The following EPN2 variants were observed in gnomAD, a reference collection of about 807,000 sequenced individuals.
EPN2 encodes epsin 2.
EPN2 carries 34 observed loss-of-function variants against 61.7 expected under a neutral mutation model. The observed-to-expected ratio is 0.55, with a 90% CI of 0.42 to 0.73. The LOEUF is 0.73. Ranked by LOEUF, EPN2 falls within the 30% of genes least tolerant of loss-of-function variation. The pLI is 0.00. For missense variants in EPN2, 714 were observed against 839.2 expected (o/e 0.85, Z 1.84); for synonymous variants, 349 against 353.6 (o/e 0.99, Z 0.15).
intron 1 of EPN2, among the ~76,000 whole-genome samples, chr17:19,251,310 A>G (rs889192430): frequency 6.6e-6 from 1 of 152,146 alleles, no homozygotes; most frequent in Non-Finnish European, 1.5e-5. Flanking sequence ...CTGCATCTGG[A>G]GAGGCAGGAT....
chr17:19,268,272 A>AG (rs2045220023), intron 1 of EPN2, among the ~76,000 whole-genome samples: 2 of 152,216 alleles, frequency 1.3e-5, no homozygotes, highest in Admixed American at 1.3e-4. Flanking sequence ...GTGCTTGTTC[A>AG]GATCCCCTGT....
intron 1 of EPN2, among the ~76,000 whole-genome samples, chr17:19,277,757 C>G (rs538213840): frequency 2.6e-5 from 4 of 152,094 alleles, no homozygotes; most frequent in Admixed American, 6.5e-5. Flanking sequence ...AGGTGAGGTG[C>G]GTAGTCCAGT....
chr17:19,307,427 C>T (rs1478762174), intron 4 of EPN2, among the ~76,000 whole-genome samples: 2 of 152,158 alleles, frequency 1.3e-5, no homozygotes, highest in Non-Finnish European at 2.9e-5. Context: ...TTTCCTACCT[C>T]AGCCTCCTGA....
chr17:19,311,443 G>A (rs1906133562), intron 5 of EPN2, among the ~76,000 whole-genome samples: 3 of 152,042 alleles, frequency 2.0e-5, no homozygotes, highest in African/African-American at 4.8e-5. Context: ...GTAATACCAT[G>A]AGACCCTATC....
chr17:19,306,496 A>G (rs1905849975), intron 4 of EPN2, among the ~76,000 whole-genome samples: 1 of 152,232 alleles, frequency 6.6e-6, no homozygotes, highest in Non-Finnish European at 1.5e-5. Flanking sequence ...TTTAATTTCT[A>G]CATTGATGTG....
intron 1 of EPN2, among the ~76,000 whole-genome samples, chr17:19,245,543 C>A (rs1437643201): frequency 1.3e-5 from 2 of 151,512 alleles, no homozygotes; most frequent in Non-Finnish European, 1.5e-5. Context: ...TTCAAGCAAT[C>A]CTCCTGCCTC....
chr17:19,257,237 G>A (rs1367428642), intron 1 of EPN2, among the ~76,000 whole-genome samples: 3 of 148,790 alleles, frequency 2.0e-5, no homozygotes, highest in Non-Finnish European at 4.4e-5. Context: ...CTTTGCCTTT[G>A]CCCTCTGGTA....
chr17:19,303,351 T>C (rs1176018477), intron 4 of EPN2, among the ~76,000 whole-genome samples: 2 of 152,206 alleles, frequency 1.3e-5, no homozygotes, highest in Non-Finnish European at 2.9e-5. Flanking sequence ...ATCAGCCTAA[T>C]GTGAGTCCAC....
At chr17:19,267,540 C>CTT (rs398058634) in intron 1 of EPN2, among the ~76,000 whole-genome samples, 14 of 141,022 alleles carry the variant, frequency 9.9e-5, no homozygotes, top group African/African-American at 2.8e-4. Flanking sequence ...AGTAGAGCAG[C>CTT]TTTTTTTTTT....
chr17:19,266,868 A>G (rs1420222649), intron 1 of EPN2, among the ~76,000 whole-genome samples: 2 of 150,960 alleles, frequency 1.3e-5, no homozygotes, highest in African/African-American at 2.4e-5. Context: ...ATACTGGTAC[A>G]TAATGCAACA....
At chr17:19,325,684 A>G (rs998119344) in intron 7 of EPN2, among the ~76,000 whole-genome samples, 4 of 152,242 alleles carry the variant, frequency 2.6e-5, no homozygotes, top group African/African-American at 4.8e-5. Flanking sequence ...AAGGATACCA[A>G]CTACCAGCAC....
chr17:19,285,922 A>AGGAGCCC lies in EPN2; in HGVS notation c.766+133_766+139dup. The stretch of plus-strand genomic sequence containing the variant: ...TGGGGGTTTGGCCTCCAGCAGGCCC[A>AGGAGCCC]GGAGCCCTTTCTTCCTCTCTCCTGG... On this transcript the variant is annotated intron_variant, in intron 4 of 10. Transcript: ENST00000314728. The surrounding 1 kb of genome is among the most constrained non-coding windows in gnomAD (Gnocchi z 4.5). The AGGAGCCC allele has an allele frequency of 7.1e-7, 1 of 1,401,978 alleles. No homozygotes were observed. The allele number at this position is 1,401,978 out of a possible 1,614,324, so 86.8% of individuals were successfully genotyped here.
At chr17:19,312,187 A>G (rs1388228431) in intron 6 of EPN2, 43 bp downstream of exon 6, 2 of 1,432,044 alleles carry the variant, frequency 1.4e-6, no homozygotes, top group Admixed American at 1.7e-5. Context: ...CCTGTCCTGT[A>G]GTTGTTGCCT....
chr17:19,289,073 T>TG (rs1203695588), intron 4 of EPN2, among the ~76,000 whole-genome samples: 2 of 124,448 alleles, frequency 1.6e-5, no homozygotes, highest in East Asian at 5.3e-4. Context: ...GTTCTGGGTA[T>TG]GTTTTTTTTT....
At chr17:19,287,049 A>G (rs1379818405) in intron 4 of EPN2, among the ~76,000 whole-genome samples, 2 of 151,942 alleles carry the variant, frequency 1.3e-5, no homozygotes, top group Non-Finnish European at 2.9e-5. Context: ...CTTGGTGGCC[A>G]ATTTTGTGTT....
intron 7 of EPN2, among the ~76,000 whole-genome samples, chr17:19,315,988 T>A (rs1906367391): frequency 6.6e-6 from 1 of 152,210 alleles, no homozygotes; most frequent in Non-Finnish European, 1.5e-5. Flanking sequence ...TCATGCACTG[T>A]GTGGACTTTT....
In EPN2 at chr17:19,249,009, C is replaced by T. The variant is rs143786587; in HGVS notation, c.-294+11478C>T. 1.4e-4 allele frequency among the ~76,000 whole-genome samples: 21 copies of T among 152,252 alleles called. 1 individual carries two copies. Among genetic ancestry groups the T allele is most frequent in the African/African-American group, 4.8e-4 (20 of 41,554 alleles). ...AGAGGCCTGAGCTGAGCAAGGAGGG[C>T]GCAGAGGAGGAAGAGCTGGACATGT... On this transcript the variant is annotated intron_variant, in intron 1 of 10. Coordinates refer to ENST00000314728, the MANE Select transcript of EPN2 (RefSeq NM_014964.5).
At chr17:19,244,546 A>G (rs1190584336) in intron 1 of EPN2, among the ~76,000 whole-genome samples, 2 of 152,016 alleles carry the variant, frequency 1.3e-5, no homozygotes, top group Non-Finnish European at 2.9e-5. Context: ...GCCACTTGGC[A>G]TGGACCACTG....
intron 1 of EPN2, among the ~76,000 whole-genome samples, chr17:19,246,349 G>A (rs906576019): frequency 2.1e-4 from 32 of 152,074 alleles, no homozygotes; most frequent in African/African-American, 7.5e-4. Flanking sequence ...GAGCGAGACT[G>A]TCTCAAAATA....
Sources: allele counts gnomAD v4.1 joint callset (sites outside exome capture counted in the v4.1 genomes callset), GRCh38; gene constraint gnomAD v4.1.1; non-coding constraint Gnocchi (gnomAD v3.1); transcripts MANE v1.5; gene names NCBI Gene and HGNC (gene_info 2026-07-23, HGNC 2026-07-21).